Variants in SUMF1 observed in about 807,000 individuals in gnomAD.
SUMF1 encodes the protein sulfatase modifying factor 1.
In SUMF1, 48 loss-of-function variants were observed where a neutral mutation model predicts 47.6. The ratio of observed to expected loss-of-function variants is 1.01; its 90% CI spans 0.80 to 1.28. The LOEUF (loss-of-function observed/expected upper bound fraction) is 1.28, where lower values mean the gene tolerates loss of function less well. SUMF1 is among the 50% of genes most tolerant of loss of function. The pLI, the probability that SUMF1 is intolerant of heterozygous loss-of-function variation, is 0.00. For synonymous variants in SUMF1, 230 were observed against 192.1 expected (o/e 1.20, Z -1.63); for missense variants, 571 against 485.4 (o/e 1.18, Z -1.66).
rs138304543 is a variant in SUMF1 at position 4,438,653 on chromosome 3, A to C, written c.519+10613T>G. Among the ~76,000 whole-genome samples the C allele has an allele frequency of 2.6e-3, 398 of 152,276 alleles. 3 individuals carry two copies. The highest frequency in any genetic ancestry group is 9.1e-3 in the African/African-American group (380 of 41,544). ...TTAGTAACATAGCTTTAATATATAT[A>C]AAGCAAAACTTGACAGAATCACTAA... is the stretch of plus-strand genomic sequence containing the variant. On this transcript the variant is annotated intron_variant, in intron 3 of 8. Coordinates refer to ENST00000272902, the MANE Select transcript of SUMF1 (RefSeq NM_182760.4).
chr3:4,237,988 T>C (rs762607976), intron 8 of SUMF1, among the ~76,000 whole-genome samples: 7 of 152,082 alleles, frequency 4.6e-5, no homozygotes, highest in Non-Finnish European at 7.4e-5. Flanking sequence ...TTTCCATGTG[T>C]TCTCATTGTT....
chr3:4,189,228 G>C (rs571833220), intron 8 of SUMF1, among the ~76,000 whole-genome samples: 45 of 152,196 alleles, frequency 3.0e-4, no homozygotes, highest in Non-Finnish European at 4.0e-4. Flanking sequence ...TATTTGCGGG[G>C]AGGGGTCCAA....
intron 3 of SUMF1, among the ~76,000 whole-genome samples, chr3:4,447,381 T>C (rs1702816275): frequency 6.6e-6 from 1 of 152,138 alleles, no homozygotes; most frequent in South Asian, 2.1e-4. Context: ...ATGCTAGCAC[T>C]CAAACTTGCA....
At chr3:4,164,964 CT>C (rs1342187961) in intron 8 of SUMF1, among the ~76,000 whole-genome samples, 1 of 152,088 alleles carries the variant, frequency 6.6e-6, no homozygotes, top group Admixed American at 6.5e-5. Flanking sequence ...AATTCATGGG[CT>C]TTTTCCTAAT....
chr3:4,256,338 G>A (rs1172163928), intron 8 of SUMF1, among the ~76,000 whole-genome samples: 1 of 104,288 alleles, frequency 9.6e-6, no homozygotes, highest in East Asian at 2.3e-4. Flanking sequence ...CTGGTTTTTT[G>A]AAAGGATCAA....
Position 4,281,059 on chromosome 3 carries a change from A to T in SUMF1, c.1014+95271T>A, listed in dbSNP as rs114943036. ...TAACAGTGGGGGTCGGGGGGCCACAAATCAATCCATAACAGCTTGTCAAAT... is the reference window on the plus strand; with the variant it reads ...TAACAGTGGGGGTCGGGGGGCCACATATCAATCCATAACAGCTTGTCAAAT... On this transcript the variant is annotated intron_variant and NMD_transcript_variant, in intron 8 of 12. Transcript: ENST00000448413. Among the ~76,000 whole-genome samples the T allele has an allele frequency of 5.2e-3, 790 of 152,202 alleles. 5 individuals carry two copies. Among genetic ancestry groups the T allele is most frequent in the African/African-American group, 0.017 (726 of 41,524 alleles).
rs1697198833 is a variant in SUMF1, at chr3:4,266,545, G to C, written c.1014+109785C>G. 2.0e-5 allele frequency among the ~76,000 whole-genome samples: 3 copies of C among 152,136 alleles called. No individual in the cohort carries two copies. In the South Asian group the frequency reaches 6.2e-4, roughly 32 times the overall value. On this transcript the variant is annotated intron_variant and NMD_transcript_variant, in intron 8 of 12. Transcript: ENST00000448413. Reference sequence around the variant, plus strand: ...GGCTGTTTGTCTTATTGGTGTATAAGAATGCTTGTGATTTTTGTACATTGA... The same window carrying C: ...GGCTGTTTGTCTTATTGGTGTATAACAATGCTTGTGATTTTTGTACATTGA...
intron 8 of SUMF1, among the ~76,000 whole-genome samples, chr3:4,178,013 G>C (rs1361596937): frequency 6.6e-6 from 1 of 152,084 alleles, no homozygotes; most frequent in African/African-American, 2.4e-5. Context: ...TCTCTGAATA[G>C]ACCAATAACA....
At chr3:4,291,869 C>G (rs57903072) in intron 8 of SUMF1, among the ~76,000 whole-genome samples, 7,762 of 152,160 alleles carry the variant, frequency 0.051, 651 homozygotes, top group African/African-American at 0.18. Context: ...CTTAAATAAC[C>G]TTCCACCAAA....
intron 8 of SUMF1, among the ~76,000 whole-genome samples, chr3:4,233,709 T>C (rs1331998874): frequency 2.0e-5 from 3 of 152,144 alleles, no homozygotes; most frequent in African/African-American, 4.8e-5. Flanking sequence ...GAAATGCTAT[T>C]ACAGAAGTTT....
Position 4,269,081 on chromosome 3 carries a change from T to C in SUMF1, c.1014+107249A>G, listed in dbSNP as rs150398471. ...CATACCTCTGGAAACACCACCCAGA[T>C]CAGTGATGATCCTTGCCTCATACTG... On this transcript the variant is annotated intron_variant and NMD_transcript_variant, in intron 8 of 12. Transcript: ENST00000448413. Among the ~76,000 whole-genome samples, 5 of 152,302 alleles carry C rather than the reference T, an allele frequency of 3.3e-5. No homozygotes were observed. The East Asian group carries it at 9.6e-4, about 29-fold the overall frequency.
chr3:4,046,304 T>G (rs1198572165), intron 9 of SUMF1, among the ~76,000 whole-genome samples: 1 of 152,104 alleles, frequency 6.6e-6, no homozygotes, highest in Non-Finnish European at 1.5e-5. Flanking sequence ...TGGCCAGTGG[T>G]GCACCATGGG....
At chr3:4,332,983 G>A (rs771161847) in intron 8 of SUMF1, among the ~76,000 whole-genome samples, 4 of 152,230 alleles carry the variant, frequency 2.6e-5, no homozygotes, top group East Asian at 1.9e-4. Flanking sequence ...GGGGAGAATC[G>A]GCCACTGGAT....
chr3:4,452,127 G>T (rs1185457028), intron 2 of SUMF1, among the ~76,000 whole-genome samples: 6 of 150,974 alleles, frequency 4.0e-5, no homozygotes, highest in Admixed American at 3.9e-4. Flanking sequence ...GACATTTGGG[G>T]TCTTAAAAAA....
chr3:4,229,689 T>C (rs1696254310), intron 8 of SUMF1, among the ~76,000 whole-genome samples: 1 of 152,008 alleles, frequency 6.6e-6, no homozygotes, highest in Non-Finnish European at 1.5e-5. Context: ...AATTTCCAAA[T>C]AGATACATTA....
intron 8 of SUMF1, among the ~76,000 whole-genome samples, chr3:4,164,936 T>C (rs1247837016): frequency 1.3e-5 from 2 of 152,138 alleles, no homozygotes; most frequent in African/African-American, 2.4e-5. Flanking sequence ...CCCTAAGTTA[T>C]CGCGGACATC....
chr3:4,405,192 A>T (rs1403129624), intron 7 of SUMF1, among the ~76,000 whole-genome samples: 3 of 152,158 alleles, frequency 2.0e-5, no homozygotes, highest in Non-Finnish European at 4.4e-5. Flanking sequence ...GAAGTATCTG[A>T]GTGGGGTCAA....
chr3:4,401,780 A>C (rs1200687729), intron 7 of SUMF1, among the ~76,000 whole-genome samples: 1 of 152,084 alleles, frequency 6.6e-6, no homozygotes, highest in Admixed American at 6.6e-5. Flanking sequence ...CTTTTCTTTT[A>C]ATGGTTCTGT....
At chr3:4,141,987 T>G (rs1694081172) in intron 8 of SUMF1, among the ~76,000 whole-genome samples, 1 of 152,134 alleles carries the variant, frequency 6.6e-6, no homozygotes. Context: ...TTGCTGTGTT[T>G]CATTACAATC....
Sources: gnomAD v4.1 joint callset for allele counts (sites outside exome capture counted in the v4.1 genomes callset) on GRCh38, gnomAD v4.1.1 for gene constraint, MANE v1.5 for transcripts, NCBI Gene and HGNC (gene_info 2026-07-23, HGNC 2026-07-21) for gene names.